Variants in HECW1 observed in about 807,000 individuals in gnomAD.
HECW1 encodes HECT, C2 and WW domain containing E3 ubiquitin protein ligase 1.
In HECW1, 61 loss-of-function variants were observed where a neutral mutation model predicts 182.3. The observed-to-expected ratio is 0.33, with a 90% confidence interval of 0.27 to 0.41. HECW1 has a LOEUF of 0.41. Among genes scored for constraint, HECW1 ranks in the 10% least tolerant of loss-of-function variants. The pLI, the probability that HECW1 is intolerant of heterozygous loss-of-function variation, is 1.00. For missense variants in HECW1, 1,739 were observed against 2,108.9 expected (o/e 0.82, Z 3.44); for synonymous variants, 859 against 832.6 (o/e 1.03, Z -0.55).
At chr7:43,238,918 G>A (rs1008473878) in intron 2 of HECW1, 1 of 152,050 alleles carries the variant, frequency 6.6e-6, no homozygotes, top group African/African-American at 2.4e-5. Flanking sequence ...CCTCCTCCCA[G>A]GAAAATGAAT....
rs35892407 is a variant in HECW1 at position 43,530,116 on chromosome 7, AT to A, written c.4020-11026del. Among the ~76,000 whole-genome samples, 343 of 121,238 alleles carry A rather than the reference AT, an allele frequency of 2.8e-3. 1 individual carries two copies. Among genetic ancestry groups the A allele is most frequent in the African/African-American group, 6.7e-3 (213 of 31,634 alleles). The allele number at this position is 121,238 out of a possible 152,430, so 79.5% of individuals were successfully genotyped here. A position where few individuals can be genotyped will look rare whatever the true frequency, so the allele number is the denominator to read the frequency against. ...AGGCCTGTGCCACCATGCTTGGCTAATTTTTTTTTTTTTTTTTTTTTAGTAG... is the reference window on the plus strand; with the variant it reads ...AGGCCTGTGCCACCATGCTTGGCTAATTTTTTTTTTTTTTTTTTTTAGTAG... On this transcript the variant is annotated intron_variant, in intron 24 of 29. Transcript: ENST00000395891.
intron 8 of HECW1, among the ~76,000 whole-genome samples, chr7:43,429,313 TATATATATATATATATATATATAC>T (rs2076463746): frequency 7.8e-6 from 1 of 127,788 alleles, no homozygotes. Flanking sequence ...TATATATATA[TATATATATATATATATATATATAC>T]ATATATGCAG....
At chr7:43,294,184 T>G (rs1805757120) in intron 3 of HECW1, among the ~76,000 whole-genome samples, 1 of 152,234 alleles carries the variant, frequency 6.6e-6, no homozygotes, top group South Asian at 2.1e-4. Flanking sequence ...CCAAACACTT[T>G]GAGCTGCTCA....
At chr7:43,487,915 C>T (rs985513221) in intron 17 of HECW1, among the ~76,000 whole-genome samples, 14 of 151,154 alleles carry the variant, frequency 9.3e-5, no homozygotes, top group Admixed American at 7.9e-4. Context: ...GCTATAATTG[C>T]ACCACTACAC....
chr7:43,492,473 G>A (rs775227622), intron 18 of HECW1, among the ~76,000 whole-genome samples: 6 of 151,830 alleles, frequency 4.0e-5, no homozygotes, highest in Non-Finnish European at 5.9e-5. Flanking sequence ...TGTTAATCCC[G>A]TGCACAAGAG....
chr7:43,386,870 A>C (rs926228178), intron 6 of HECW1, among the ~76,000 whole-genome samples: 14 of 152,226 alleles, frequency 9.2e-5, no homozygotes, highest in Admixed American at 6.5e-5. Context: ...TTTTGTTTAC[A>C]AAATAATTAA....
At position 43,439,004 on chromosome 7, in the gene HECW1, C is replaced by A. The variant is rs563659640; in HGVS notation, c.944+859C>A. On this transcript the variant is annotated intron_variant, in intron 9 of 29. Coordinates refer to ENST00000395891, the MANE Select transcript of HECW1 (RefSeq NM_015052.5). ...TAAAGACATTTATTATTAATTGGAACCTTATGGTGTGTAGGCAGCAGGGTG... is the reference window on the plus strand; with the variant it reads ...TAAAGACATTTATTATTAATTGGAAACTTATGGTGTGTAGGCAGCAGGGTG... 10 of 152,230 alleles carry A rather than the reference C, an allele frequency of 6.6e-5. No individual in the cohort carries two copies. The East Asian group carries it at 1.5e-3, about 23-fold the overall frequency. The allele number at this position is 152,230 out of a possible 1,614,324, so 9.4% of individuals were successfully genotyped here. A position where few individuals can be genotyped will look rare whatever the true frequency, so the allele number is the denominator to read the frequency against.
chr7:43,462,361 A>G (rs1443922255), intron 13 of HECW1, among the ~76,000 whole-genome samples: 1 of 150,724 alleles, frequency 6.6e-6, no homozygotes. Flanking sequence ...ATCAATCTCC[A>G]TGTACATCTG....
chr7:43,173,332 T>C (rs766253304), intron 2 of HECW1, among the ~76,000 whole-genome samples: 8 of 152,184 alleles, frequency 5.3e-5, no homozygotes, highest in Non-Finnish European at 1.0e-4. Flanking sequence ...TTGGGGCCAG[T>C]CAATAGAAAG....
intron 26 of HECW1, among the ~76,000 whole-genome samples, chr7:43,549,069 A>G (rs558523331): frequency 1.3e-5 from 2 of 152,278 alleles, no homozygotes; most frequent in South Asian, 4.2e-4. Flanking sequence ...CAGCATCCCA[A>G]CCATCACAAC....
intron 24 of HECW1, among the ~76,000 whole-genome samples, chr7:43,523,733 G>A (rs1020608033): frequency 4.6e-5 from 7 of 152,038 alleles, no homozygotes; most frequent in African/African-American, 1.5e-4. Context: ...TGAGAGAGGC[G>A]CCGAAAGCAA....
In HECW1 at chr7:43,251,637, C is replaced by T. The variant is rs368600507; in HGVS notation, c.27+7705C>T. 9.8e-5 allele frequency among the ~76,000 whole-genome samples: 15 copies of T among 152,294 alleles called. No homozygotes were observed. The East Asian group carries it at 2.5e-3, about 25-fold the overall frequency. ...GGCCACAAAATCTAGTTTCTTTCTA[C>T]TTATTATATTCACAGGTCTAAATAG... On this transcript the variant is annotated intron_variant, in intron 3 of 29. Transcript: ENST00000395891.
At chr7:43,329,116 A>C (rs1464543090) in intron 5 of HECW1, among the ~76,000 whole-genome samples, 1 of 151,538 alleles carries the variant, frequency 6.6e-6, no homozygotes, top group African/African-American at 2.4e-5. Context: ...GCAAAGACCT[A>C]ATCACCTCCA....
chr7:43,368,485 C>T (rs1816919175), intron 6 of HECW1, among the ~76,000 whole-genome samples: 1 of 152,198 alleles, frequency 6.6e-6, no homozygotes, highest in Admixed American at 6.5e-5. Context: ...GCAGTGGGGA[C>T]ATTTGTACAT....
At chr7:43,163,910 G>A (rs1648997424) in intron 2 of HECW1, among the ~76,000 whole-genome samples, 1 of 152,158 alleles carries the variant, frequency 6.6e-6, no homozygotes, top group Admixed American at 6.5e-5. Flanking sequence ...GTCCTGTTCT[G>A]GCAAGAGCAA....
intron 2 of HECW1, among the ~76,000 whole-genome samples, chr7:43,196,286 G>C (rs1794452281): frequency 6.6e-6 from 1 of 152,052 alleles, no homozygotes; most frequent in South Asian, 2.1e-4. Context: ...TGATATTTTG[G>C]TATTCTAAAG....
chr7:43,528,742 C>T (rs1002234440), intron 24 of HECW1, among the ~76,000 whole-genome samples: 1 of 152,084 alleles, frequency 6.6e-6, no homozygotes, highest in Non-Finnish European at 1.5e-5. Flanking sequence ...GGGGACTTGG[C>T]GGCACCAGGG....
intron 5 of HECW1, among the ~76,000 whole-genome samples, chr7:43,345,807 C>T (rs201195862): frequency 0.72 from 107,469 of 150,094 alleles, 38,738 homozygotes; most frequent in Admixed American, 0.8. Flanking sequence ...TATACACACA[C>T]ACACACACAC....
At position 43,243,565 on chromosome 7, in the gene HECW1, AAC is replaced by A. The variant is rs928086424; in HGVS notation, c.-31-307_-31-306del. 3.3e-5 allele frequency among the ~76,000 whole-genome samples: 5 copies of A among 151,762 alleles called. No homozygotes were observed. Among genetic ancestry groups the A allele is most frequent in the African/African-American group, 1.2e-4 (5 of 41,210 alleles). On this transcript the variant is annotated intron_variant, in intron 2 of 29. Transcript: ENST00000395891. The surrounding 1 kb of genome is among the most constrained non-coding windows in gnomAD (Gnocchi z 4.0). ...AGAGCAGAACTTCTCTTTCCCCACAAACACCCACACCAGATCCTTGTTTCTTG... is the reference window on the plus strand; with the variant it reads ...AGAGCAGAACTTCTCTTTCCCCACAAACCCACACCAGATCCTTGTTTCTTG...
Sources: gnomAD v4.1 joint callset for allele counts (sites outside exome capture counted in the v4.1 genomes callset) on GRCh38, gnomAD v4.1.1 for gene constraint, Gnocchi (gnomAD v3.1) non-coding constraint, MANE v1.5 for transcripts, NCBI Gene and HGNC (gene_info 2026-07-23, HGNC 2026-07-21) for gene names.